The following CAPS2 variants were observed in gnomAD, a reference collection of about 807,000 sequenced individuals.
CAPS2 encodes the protein calcyphosine 2.
Under a neutral mutation model 86.5 loss-of-function variants are expected in CAPS2, and 98 were observed. The observed-to-expected ratio is 1.13, with a 90% confidence interval of 0.96 to 1.34. CAPS2 has a LOEUF of 1.34. Ranked by LOEUF, CAPS2 falls within the 40% of genes most tolerant of loss-of-function variation. CAPS2 has a pLI of 0.00. For synonymous variants in CAPS2, 210 were observed against 225.1 expected (o/e 0.93, Z 0.60); for missense variants, 729 against 686.8 (o/e 1.06, Z -0.69).
intron 1 of CAPS2, chr12:75,343,790 C>A (rs765401135): frequency 6.2e-7 from 1 of 1,612,658 alleles, no homozygotes; most frequent in South Asian, 1.1e-5. Context: ...AAATGCTATG[C>A]AGCTTTTGAA....
At chr12:75,280,638 GT>G (rs2033772707) in intron 16 of CAPS2, among the ~76,000 whole-genome samples, 1 of 151,664 alleles carries the variant, frequency 6.6e-6, no homozygotes, top group African/African-American at 2.4e-5. Context: ...AGATAATGAC[GT>G]GTTTAAAGGA....
intron 1 of CAPS2, among the ~76,000 whole-genome samples, chr12:75,372,096 C>A (rs1418863246): frequency 6.6e-6 from 1 of 152,172 alleles, no homozygotes; most frequent in Non-Finnish European, 1.5e-5. Flanking sequence ...CTCACTGCAA[C>A]CTCCGCCTGC....
intron 1 of CAPS2, among the ~76,000 whole-genome samples, chr12:75,358,876 T>C (rs1400193112): frequency 6.9e-6 from 1 of 144,150 alleles, no homozygotes; most frequent in South Asian, 2.1e-4. Flanking sequence ...ATATATAATA[T>C]ATAATTATAT....
At chr12:75,300,839 A>G (rs1360705088) in intron 8 of CAPS2, among the ~76,000 whole-genome samples, 1 of 152,212 alleles carries the variant, frequency 6.6e-6, no homozygotes, top group Non-Finnish European at 1.5e-5. Flanking sequence ...AACCAAAACC[A>G]GTAAATGCCT....
rs147693810 is a variant in CAPS2 at position 75,304,003 on chromosome 12, T to C, written c.779+754A>G. Among the ~76,000 whole-genome samples the C allele has an allele frequency of 1.3e-3, 192 of 152,302 alleles. 1 individual carries two copies. Among genetic ancestry groups the C allele is most frequent in the African/African-American group, 4.4e-3 (185 of 41,584 alleles). On this transcript the variant is annotated intron_variant, in intron 8 of 16. Transcript: ENST00000393284. ...CCCACTAAAACCTCTAGAAGGAATG[T>C]AGCCCTATCAATCCCTTGATTTTAG... is the stretch of plus-strand genomic sequence containing the variant.
intron 1 of CAPS2, among the ~76,000 whole-genome samples, chr12:75,348,577 T>C (rs2042602512): frequency 6.6e-6 from 1 of 152,124 alleles, no homozygotes; most frequent in African/African-American, 2.4e-5. Flanking sequence ...AGATTTGAAA[T>C]GGAAAGAGAA....
chr12:75,345,651 A>G (rs1016633240), intron 1 of CAPS2, among the ~76,000 whole-genome samples: 2 of 152,182 alleles, frequency 1.3e-5, no homozygotes, highest in African/African-American at 4.8e-5. Context: ...ATCAGGAAAA[A>G]TGTTGGTAAA....
At chr12:75,325,283 C>A (rs1248529896) in exon 2 of CAPS2, 1 of 1,544,542 alleles carries the variant, frequency 6.5e-7, no homozygotes, top group Admixed American at 2.0e-5. Context: ...CAGAAGTCCA[C>A]CTTTGCTTTA....
chr12:75,305,465 A>G, intron 7 of CAPS2: 2 of 560,180 alleles, frequency 3.6e-6, no homozygotes, highest in East Asian at 7.3e-5. Context: ...CAAAGTAAGG[A>G]TCTGAGCGAC....
At chr12:75,323,005 G>T in exon 4 of CAPS2, 2 of 1,547,276 alleles carry the variant, frequency 1.3e-6, no homozygotes, top group Non-Finnish European at 1.7e-6. Flanking sequence ...AGTATATGGA[G>T]TTTGACATGG....
chr12:75,381,697 C>T (rs190509478), intron 1 of CAPS2, among the ~76,000 whole-genome samples: 2 of 150,652 alleles, frequency 1.3e-5, no homozygotes. Flanking sequence ...CCGCTGCAAC[C>T]TCCGCCTCCC....
chr12:75,369,844 A>G (rs948875245), intron 1 of CAPS2: 80 of 1,333,676 alleles, frequency 6.0e-5, no homozygotes, highest in Non-Finnish European at 7.7e-5. Context: ...TTTCTTGTTA[A>G]AAAGTCAAAC....
intron 1 of CAPS2, chr12:75,371,382 G>A: frequency 4.5e-6 from 1 of 221,622 alleles, no homozygotes; most frequent in Non-Finnish European, 9.5e-6. Flanking sequence ...GCAGCCGATT[G>A]GATGTTGCCC....
intron 11 of CAPS2, among the ~76,000 whole-genome samples, chr12:75,296,980 T>G (rs1294648242): frequency 6.6e-6 from 1 of 152,228 alleles, no homozygotes; most frequent in East Asian, 1.9e-4. Context: ...CCCTTCAAAA[T>G]GTCTGCTCCA....
chr12:75,360,609 T>C (rs2043512616), intron 1 of CAPS2: 1 of 152,198 alleles, frequency 6.6e-6, no homozygotes, highest in African/African-American at 2.4e-5. Context: ...CCCATGGCCT[T>C]AGGCAGCTCC....
intron 7 of CAPS2, chr12:75,305,712 A>T: frequency 1.5e-6 from 1 of 671,320 alleles, no homozygotes; most frequent in Non-Finnish European, 2.8e-6. Context: ...AAGGCGCACG[A>T]CGAGCTCGTG....
At chr12:75,278,937 C>T (rs755061416) in exon 17 of CAPS2, 1 of 1,605,026 alleles carries the variant, frequency 6.2e-7, no homozygotes. Flanking sequence ...TCTTCATCAT[C>T]TACTATTCCT....
In CAPS2 at chr12:75,307,488, T is replaced by C. The variant is rs11180457; in HGVS notation, c.660-2612A>G. Among the ~76,000 whole-genome samples, 6 of 152,326 alleles carry C rather than the reference T, an allele frequency of 3.9e-5. No individual in the cohort carries two copies. In the East Asian group the frequency reaches 1.2e-3, roughly 29 times the overall value. ...CAAGGAAAAAAGATCCAGTGTTCCA[T>C]AGATCAGTAGGGTGACTATAGTTAC... is the stretch of plus-strand genomic sequence containing the variant. On this transcript the variant is annotated intron_variant, in intron 7 of 16. Coordinates refer to ENST00000393284, the Ensembl canonical transcript of CAPS2.
chr12:75,281,748 A>T (rs2033988327), intron 16 of CAPS2, among the ~76,000 whole-genome samples: 1 of 152,080 alleles, frequency 6.6e-6, no homozygotes, highest in African/African-American at 2.4e-5. Context: ...AATTATGTAA[A>T]AAAGTTAGAA....
Sources: gnomAD v4.1 joint callset for allele counts (sites outside exome capture counted in the v4.1 genomes callset) on GRCh38, gnomAD v4.1.1 for gene constraint, MANE v1.5 for transcripts, NCBI Gene and HGNC (gene_info 2026-07-23, HGNC 2026-07-21) for gene names.